The following SCN8A variants were observed in gnomAD, a reference collection of about 807,000 sequenced individuals.
SCN8A encodes sodium voltage-gated channel alpha subunit 8.
SCN8A carries 30 observed loss-of-function variants against 184.1 expected under a neutral mutation model. The ratio of observed to expected loss-of-function variants is 0.16; its 90% CI spans 0.12 to 0.22. The LOEUF (loss-of-function observed/expected upper bound fraction) is 0.22, where lower values mean the gene tolerates loss of function less well. Among genes scored for constraint, SCN8A ranks in the 10% least tolerant of loss-of-function variants. The pLI is 1.00. For missense variants in SCN8A, 1,057 were observed against 2,498.9 expected, an observed-to-expected ratio of 0.42 and a Z score of 12.30; for synonymous variants, 852 against 907.0, an observed-to-expected ratio of 0.94 and a Z score of 1.09.
chr12:51,796,599 T>C (rs909251541), intron 26 of SCN8A, among the ~76,000 whole-genome samples: 2 of 152,164 alleles, frequency 1.3e-5, no homozygotes, highest in East Asian at 3.9e-4. Context: ...GATGTATATA[T>C]GAAAGGGAGT....
At chr12:51,788,863 T>A in intron 23 of SCN8A, 115 bp downstream of exon 23, 1 of 762,204 alleles carries the variant, frequency 1.3e-6, no homozygotes, top group Non-Finnish European at 2.1e-6. Context: ...GAGTTGACGT[T>A]TCTCTTTGGA....
chr12:51,627,571 A>G (rs2138608698), intron 1 of SCN8A, among the ~76,000 whole-genome samples: 1 of 152,248 alleles, frequency 6.6e-6, no homozygotes, highest in South Asian at 2.1e-4. Flanking sequence ...TCGTAGAGAC[A>G]GGATTTCACC....
chr12:51,645,950 T>TAAA (rs35944797), intron 1 of SCN8A, among the ~76,000 whole-genome samples: 7 of 14,032 alleles, frequency 5.0e-4, no homozygotes, highest in African/African-American at 1.8e-3. Context: ...AATGATCAAT[T>TAAA]AAAAAAAAAA....
chr12:51,712,626 C>A (rs1307913636), intron 11 of SCN8A: 2 of 779,174 alleles, frequency 2.6e-6, no homozygotes, highest in African/African-American at 3.4e-5. Context: ...TTCCCACCAC[C>A]ACCATAGTTA....
In SCN8A at chr12:51,808,415, T is replaced by C. The variant is rs759803844; in HGVS notation, c.*986T>C. ...AGCCATTGTTGCACATTTTGCAAGATGAACTATTTAATGCTGCTCTGTGTC... is the reference window on the plus strand; with the variant it reads ...AGCCATTGTTGCACATTTTGCAAGACGAACTATTTAATGCTGCTCTGTGTC... On this transcript the variant is annotated 3_prime_UTR_variant, in exon 27 of 27. Coordinates refer to ENST00000627620, the MANE Select transcript of SCN8A (RefSeq NM_001330260.2). 7 of 152,640 alleles carry C rather than the reference T, an allele frequency of 4.6e-5. No individual in the cohort carries two copies. The highest frequency in any genetic ancestry group is 1.0e-4 in the Non-Finnish European group (7 of 68,042). 9.5% of individuals were successfully genotyped at this position (152,640 alleles called of 1,614,324 possible).
rs1411425044 is a variant in SCN8A at position 51,701,132 on chromosome 12, A to G, written c.929-12A>G. 2 of 1,610,384 alleles carry G rather than the reference A, an allele frequency of 1.2e-6. No individual in the cohort carries two copies. Among genetic ancestry groups the G allele is most frequent in the Non-Finnish European group, 1.7e-6 (2 of 1,176,838 alleles). On this transcript the variant is annotated splice_polypyrimidine_tract_variant and intron_variant, in intron 7 of 26. Transcript: ENST00000627620. ...CTGCCTGTTCATTTCCTGCCTCTTCAAACTTTTCTAGCAAATTTCTACACA... is the reference window on the plus strand; with the variant it reads ...CTGCCTGTTCATTTCCTGCCTCTTCGAACTTTTCTAGCAAATTTCTACACA...
At chr12:51,649,325 T>C (rs1013511799) in intron 1 of SCN8A, among the ~76,000 whole-genome samples, 4 of 152,220 alleles carry the variant, frequency 2.6e-5, no homozygotes, top group Admixed American at 2.0e-4. Context: ...TTCTGGGGTC[T>C]GGAGGACGGT....
chr12:51,694,017 C>T (rs2138725346), intron 6 of SCN8A, among the ~76,000 whole-genome samples: 1 of 152,326 alleles, frequency 6.6e-6, no homozygotes, highest in East Asian at 1.9e-4. Flanking sequence ...ACTGCAACCG[C>T]CACCTCCTGG....
intron 13 of SCN8A, among the ~76,000 whole-genome samples, chr12:51,748,089 G>A (rs1942541606): frequency 6.6e-6 from 1 of 152,172 alleles, no homozygotes; most frequent in African/African-American, 2.4e-5. Flanking sequence ...TAAGCAAAGA[G>A]CAATGAATGG....
rs1308021407 is a variant in SCN8A, at chr12:51,721,760, A to G, written c.1850A>G (p.Tyr617Cys). Residue 617 changes from tyrosine (Y) to cysteine (C), a missense_variant, in exon 12 of 27, where the codon TAC becomes TGC. Physicochemically the swap from Tyr to Cys is radical, Grantham distance 194 (BLOSUM62 -2). Around this residue, in one of 19 missense-constraint regions of SCN8A, gnomAD observed 322 missense variants for 390.1 expected, o/e 0.83. Transcript: ENST00000627620. ...GAGCGCCGGAGCAGCTACAGCGGCTACAGCGGCTACAGCCAGGGCAGCCGC... is the reference window on the plus strand; with the variant it reads ...GAGCGCCGGAGCAGCTACAGCGGCTGCAGCGGCTACAGCCAGGGCAGCCGC... ...ARERRSSYSG[Y>C]SGYSQGSRSS... is the part of the protein sequence containing the mutation. 1 of 1,609,436 alleles carries G rather than the reference A, an allele frequency of 6.2e-7. No homozygotes were observed.
intron 1 of SCN8A, among the ~76,000 whole-genome samples, chr12:51,595,246 G>A (rs762558089): frequency 9.2e-5 from 14 of 152,192 alleles, no homozygotes; most frequent in Non-Finnish European, 1.9e-4. Context: ...TACCCTGTAA[G>A]TTTATTAATT....
intron 1 of SCN8A, among the ~76,000 whole-genome samples, chr12:51,630,131 C>A (rs532446584): frequency 3.9e-5 from 6 of 152,032 alleles, no homozygotes; most frequent in East Asian, 1.9e-4. Flanking sequence ...TAAAATTTAC[C>A]ATTTTTACCA....
chr12:51,717,639 A>G (rs1045094032), intron 11 of SCN8A, among the ~76,000 whole-genome samples: 2 of 152,212 alleles, frequency 1.3e-5, no homozygotes, highest in African/African-American at 4.8e-5. Flanking sequence ...AGGACGTGCA[A>G]GGGCTTCCTC....
chr12:51,650,388 G>A (rs756752618), intron 1 of SCN8A, among the ~76,000 whole-genome samples: 9 of 151,974 alleles, frequency 5.9e-5, no homozygotes, highest in Non-Finnish European at 1.3e-4. Flanking sequence ...GTATTAGTCC[G>A]TTTTCATGCT....
At chr12:51,703,465 C>A (rs1224621610) in intron 9 of SCN8A, among the ~76,000 whole-genome samples, 4 of 152,092 alleles carry the variant, frequency 2.6e-5, no homozygotes, top group African/African-American at 4.8e-5. Flanking sequence ...AAATTAAACA[C>A]CTCTTTGTGC....
At chr12:51,696,748 A>G (rs987173015) in intron 6 of SCN8A, among the ~76,000 whole-genome samples, 1 of 152,210 alleles carries the variant, frequency 6.6e-6, no homozygotes, top group East Asian at 1.9e-4. Context: ...ACAATAGGTC[A>G]GGCCGGGTGC....
chr12:51,726,351 T>G (rs1176147394), intron 12 of SCN8A, among the ~76,000 whole-genome samples: 1 of 152,210 alleles, frequency 6.6e-6, no homozygotes, highest in Non-Finnish European at 1.5e-5. Flanking sequence ...ATTATCTCAT[T>G]TAATGCTTAC....
intron 1 of SCN8A, among the ~76,000 whole-genome samples, chr12:51,621,013 A>G (rs1939950165): frequency 6.6e-6 from 1 of 152,130 alleles, no homozygotes; most frequent in South Asian, 2.1e-4. Flanking sequence ...TCATAGGATC[A>G]GAAACCACGG....
At chr12:51,672,196 T>A (rs1458661475) in intron 2 of SCN8A, among the ~76,000 whole-genome samples, 1 of 152,178 alleles carries the variant, frequency 6.6e-6, no homozygotes, top group Non-Finnish European at 1.5e-5. Context: ...TTGCTTCCCA[T>A]GCCACTGAAA....
Sources: allele counts gnomAD v4.1 joint callset (sites outside exome capture counted in the v4.1 genomes callset), GRCh38; gene constraint gnomAD v4.1.1; regional missense constraint gnomAD v4.1.1; transcripts MANE v1.5; gene names NCBI Gene and HGNC (gene_info 2026-07-23, HGNC 2026-07-21).